ARHGAP32: variants seen among roughly 807,000 people sequenced by gnomAD.
The protein encoded by ARHGAP32 is rho GTPase-activating protein 32.
ARHGAP32 carries 51 observed loss-of-function variants against 186.5 expected under a neutral mutation model. The observed-to-expected ratio is 0.27, with a 90% CI of 0.22 to 0.35. The LOEUF (loss-of-function observed/expected upper bound fraction) is 0.35. Among genes scored for constraint, ARHGAP32 ranks in the 10% least tolerant of loss-of-function variants. The pLI, the probability that ARHGAP32 is intolerant of heterozygous loss-of-function variation, is 1.00. For synonymous variants in ARHGAP32, 950 were observed against 964.3 expected, an observed-to-expected ratio of 0.99 and a Z score of 0.27; for missense variants, 2,186 against 2,623.5, an observed-to-expected ratio of 0.83 and a Z score of 3.64.
upstream of ARHGAP32, among the ~76,000 whole-genome samples, chr11:129,193,686 ATAT>A (rs1944342782): frequency 2.9e-5 from 1 of 34,610 alleles, no homozygotes; most frequent in African/African-American, 1.1e-4. Context: ...TATATAATAT[ATAT>A]TATATAATAT....
intron 2 of ARHGAP32, among the ~76,000 whole-genome samples, chr11:129,130,931 T>C (rs1013863386): frequency 6.6e-6 from 1 of 151,870 alleles, no homozygotes; most frequent in African/African-American, 2.4e-5. Context: ...AATAGAAACA[T>C]TACAAATACA....
At chr11:129,085,145 T>A (rs1355934122) in intron 6 of ARHGAP32, among the ~76,000 whole-genome samples, 1 of 152,028 alleles carries the variant, frequency 6.6e-6, no homozygotes, top group African/African-American at 2.4e-5. Context: ...TGCCTCAGCC[T>A]CCTAAGTAGC....
At chr11:129,238,500 T>A (rs967489804) in intron 1 of ARHGAP32, among the ~76,000 whole-genome samples, 36 of 152,166 alleles carry the variant, frequency 2.4e-4, no homozygotes, top group Non-Finnish European at 5.9e-5. Flanking sequence ...ACCACACATC[T>A]ATAAATGTCA....
In ARHGAP32 at chr11:129,034,743, AAGAG is replaced by A. The variant is rs1555076849; in HGVS notation, c.1045+6181_1045+6184del. Reference sequence around the variant, plus strand: ...AAACTGAAAACAAAAAAAAAAAAAAAAGAGAGAGAGAAAAAAAGAAAACAGGAGA... The same window carrying A: ...AAACTGAAAACAAAAAAAAAAAAAAAAGAGAGAAAAAAAGAAAACAGGAGA... On this transcript the variant is annotated intron_variant, in intron 11 of 22. Coordinates refer to ENST00000682385, the MANE Select transcript of ARHGAP32 (RefSeq NM_001378024.1). Among the ~76,000 whole-genome samples, 58 of 149,462 alleles carry A rather than the reference AAGAG, an allele frequency of 3.9e-4. No homozygotes were observed. The East Asian group carries it at 9.3e-3, about 24-fold the overall frequency.
intron 11 of ARHGAP32, among the ~76,000 whole-genome samples, chr11:129,021,252 A>C (rs570782436): frequency 6.6e-6 from 1 of 152,160 alleles, no homozygotes; most frequent in East Asian, 1.9e-4. Flanking sequence ...TTTAGAAAAG[A>C]ATCTTTTAGA....
chr11:129,230,843 T>C (rs1944849615), intron 1 of ARHGAP32, among the ~76,000 whole-genome samples: 1 of 152,048 alleles, frequency 6.6e-6, no homozygotes, highest in Non-Finnish European at 1.5e-5. Flanking sequence ...TACCATAAAG[T>C]AATCATTTTG....
chr11:129,005,815 T>G (rs1937735925), intron 11 of ARHGAP32, among the ~76,000 whole-genome samples: 2 of 152,190 alleles, frequency 1.3e-5, no homozygotes, highest in Non-Finnish European at 2.9e-5. Context: ...TCTGTTACTA[T>G]CTCTTTGAAT....
chr11:129,256,280 G>A (rs767332184), intron 1 of ARHGAP32, among the ~76,000 whole-genome samples: 9 of 151,108 alleles, frequency 6.0e-5, no homozygotes, highest in Non-Finnish European at 1.2e-4. Context: ...CTCAACATGT[G>A]TATGATACAT....
chr11:129,187,241 T>C (rs889226280), intron 1 of ARHGAP32, among the ~76,000 whole-genome samples: 1 of 152,236 alleles, frequency 6.6e-6, no homozygotes, highest in Non-Finnish European at 1.5e-5. Context: ...GAGGTCATTA[T>C]GTTAAGTGAA....
At chr11:129,211,536 C>T (rs1054166664) in intron 1 of ARHGAP32, among the ~76,000 whole-genome samples, 2 of 152,120 alleles carry the variant, frequency 1.3e-5, no homozygotes, top group Non-Finnish European at 2.9e-5. Context: ...GCCTTCTATG[C>T]AAGCCGAAAG....
At chr11:129,051,183 G>C (rs893403636) in intron 10 of ARHGAP32, among the ~76,000 whole-genome samples, 2 of 152,134 alleles carry the variant, frequency 1.3e-5, no homozygotes, top group African/African-American at 4.8e-5. Flanking sequence ...GAGTCAAATG[G>C]TATTTCTGGT....
chr11:129,268,131 A>G (rs1485904542), intron 1 of ARHGAP32, among the ~76,000 whole-genome samples: 1 of 152,178 alleles, frequency 6.6e-6, no homozygotes, highest in Non-Finnish European at 1.5e-5. Context: ...CCGAGTCCCA[A>G]AAATGTTAGG....
upstream of ARHGAP32, among the ~76,000 whole-genome samples, chr11:129,195,183 T>C (rs533669334): frequency 6.8e-4 from 104 of 152,280 alleles, no homozygotes; most frequent in African/African-American, 2.5e-3. Context: ...TTTCACCATG[T>C]TGGCCAGGCT....
intron 2 of ARHGAP32, among the ~76,000 whole-genome samples, chr11:129,160,908 C>CT (rs1312868746): frequency 9.4e-5 from 14 of 148,152 alleles, no homozygotes; most frequent in Admixed American, 3.4e-4. Flanking sequence ...CTTCAAACTA[C>CT]ACAAGGCTAC....
intron 6 of ARHGAP32, among the ~76,000 whole-genome samples, chr11:129,084,292 G>A (rs542915993): frequency 1.3e-5 from 2 of 151,410 alleles, no homozygotes; most frequent in African/African-American, 2.4e-5. Flanking sequence ...AACTTCTTCT[G>A]GGAGGCCAAC....
intron 1 of ARHGAP32, among the ~76,000 whole-genome samples, chr11:129,188,624 G>A (rs953467405): frequency 6.6e-6 from 1 of 152,156 alleles, no homozygotes; most frequent in Non-Finnish European, 1.5e-5. Flanking sequence ...GATGAATAAT[G>A]CAACCAACCA....
At chr11:129,124,720 C>A (rs2135385040) in intron 3 of ARHGAP32, 83 bp downstream of exon 3, 1 of 1,091,650 alleles carries the variant, frequency 9.2e-7, no homozygotes, top group South Asian at 1.6e-5. Context: ...TGTAAAAAGT[C>A]TAAATAAAAG....
chr11:129,140,836 C>T lies in ARHGAP32; in HGVS notation c.226-15942G>A, dbSNP rs138883133. ...TGAAGTCTACAATCTGTTCCACATC[C>T]CATTCTGCAGTTCTCAAGACAACAC... On this transcript the variant is annotated intron_variant, in intron 2 of 22. Transcript: ENST00000682385. Among the ~76,000 whole-genome samples, 41 of 151,908 alleles carry T rather than the reference C, an allele frequency of 2.7e-4. No individual in the cohort carries two copies. The East Asian group carries it at 7.1e-3, about 26-fold the overall frequency.
chr11:128,981,318 T>G, intron 17 of ARHGAP32, 98 bp downstream of exon 17: 1 of 1,314,894 alleles, frequency 7.6e-7, no homozygotes, highest in Non-Finnish European at 1.0e-6. Flanking sequence ...CTTATACCAG[T>G]GACACGTTTT....
Sources: allele counts gnomAD v4.1 joint callset (sites outside exome capture counted in the v4.1 genomes callset), GRCh38; gene constraint gnomAD v4.1.1; transcripts MANE v1.5; gene names NCBI Gene and HGNC (gene_info 2026-07-23, HGNC 2026-07-21).